The following ADCY1 variants were observed in gnomAD, a reference collection of about 807,000 sequenced individuals.
ADCY1 encodes adenylate cyclase type 1.
Under a neutral mutation model 105.4 loss-of-function variants are expected in ADCY1, and 28 were observed. That is an observed-to-expected ratio of 0.27 (90% CI 0.20 to 0.36). The LOEUF (loss-of-function observed/expected upper bound fraction) is 0.36, where lower values mean the gene tolerates loss of function less well. Ranked by LOEUF, ADCY1 falls within the 10% of genes least tolerant of loss-of-function variation. ADCY1 has a pLI of 1.00. For synonymous variants in ADCY1, 655 were observed against 623.8 expected, an observed-to-expected ratio of 1.05 and a Z score of -0.75; for missense variants, 977 against 1,434.2, an observed-to-expected ratio of 0.68 and a Z score of 5.15.
At chr7:45,698,254 A>G (rs937806356) in intron 14 of ADCY1, among the ~76,000 whole-genome samples, 6 of 152,134 alleles carry the variant, frequency 3.9e-5, no homozygotes, top group African/African-American at 1.4e-4. Context: ...GCATCCACAC[A>G]TTGTAACTGC....
intron 1 of ADCY1, among the ~76,000 whole-genome samples, chr7:45,585,129 C>A (rs1293333661): frequency 2.6e-5 from 4 of 152,232 alleles, no homozygotes; most frequent in Non-Finnish European, 5.9e-5. Context: ...GGAATAGCCT[C>A]TTCTTAAGAG....
At chr7:45,677,123 C>T (rs1350550283) in intron 8 of ADCY1, among the ~76,000 whole-genome samples, 1 of 152,128 alleles carries the variant, frequency 6.6e-6, no homozygotes, top group Non-Finnish European at 1.5e-5. Context: ...CTTCTTTCCA[C>T]CTTTCACAGT....
intron 4 of ADCY1, among the ~76,000 whole-genome samples, 183 bp from the exon 5 acceptor site, chr7:45,648,487 C>T (rs1462585383): frequency 6.6e-6 from 1 of 152,236 alleles, no homozygotes; most frequent in African/African-American, 2.4e-5. Context: ...TGAGCCTGGT[C>T]CCAGCCCTCA....
At chr7:45,600,178 G>A (rs1035512422) in intron 2 of ADCY1, among the ~76,000 whole-genome samples, 1 of 152,264 alleles carries the variant, frequency 6.6e-6, no homozygotes, top group African/African-American at 2.4e-5. Flanking sequence ...GGTGGTCTAT[G>A]AGGGAGAGGG....
intron 11 of ADCY1, chr7:45,680,599 C>G (rs1474346697): frequency 1.3e-5 from 2 of 152,156 alleles, no homozygotes; most frequent in Non-Finnish European, 2.9e-5. Flanking sequence ...TGTCATTATT[C>G]ATAGGTAATA....
chr7:45,610,606 G>T, intron 3 of ADCY1, 109 bp downstream of exon 3: 1 of 947,186 alleles, frequency 1.1e-6, no homozygotes, highest in Middle Eastern at 2.2e-4. Context: ...ATGGATGGAG[G>T]TGGGGAAAGA....
chr7:45,677,769 C>T (rs1277081478), intron 8 of ADCY1, 100 bp from the exon 9 acceptor site: 9 of 1,321,166 alleles, frequency 6.8e-6, no homozygotes, highest in African/African-American at 1.5e-5. Flanking sequence ...CCAAACCCGA[C>T]CCCACCCTGC....
chr7:45,686,649 G>A lies in ADCY1; in HGVS notation c.2430G>A (p.Arg810=), dbSNP rs1784682223. Reference sequence around the variant, plus strand: ...CCAGGCAGGTGGACATCAGGCTGAGGCTGGACTACCTCTGGGCCGCACAGG... The same window carrying A: ...CCAGGCAGGTGGACATCAGGCTGAGACTGGACTACCTCTGGGCCGCACAGG... ...LHARQVDIRL[R]LDYLWAAQAE... is the part of the protein sequence containing the mutation. The change falls in exon 14 of 20, where the codon AGG becomes AGA. Residue 810 remains arginine (R), a synonymous_variant. Transcript: ENST00000297323. This position sits in a 1 kb window ranked among gnomAD's most constrained non-coding sequence, Gnocchi z 4.3. The A allele has an allele frequency of 6.2e-7, 1 of 1,612,700 alleles. No homozygotes were observed. The highest frequency in any genetic ancestry group is 2.2e-5 in the East Asian group (1 of 44,844).
chr7:45,674,460 T>C (rs1562718408), intron 8 of ADCY1, among the ~76,000 whole-genome samples: 1 of 152,176 alleles, frequency 6.6e-6, no homozygotes. Context: ...CTGCAACCTC[T>C]GCCTCCTGGG....
chr7:45,643,314 A>T (rs1413341019), intron 4 of ADCY1, among the ~76,000 whole-genome samples: 1 of 150,160 alleles, frequency 6.7e-6, no homozygotes, highest in Non-Finnish European at 1.5e-5. Flanking sequence ...GTTTATATTG[A>T]TATTTCCAAT....
chr7:45,685,952 C>T lies in ADCY1; in HGVS notation c.2074-10C>T. On this transcript the variant is annotated splice_polypyrimidine_tract_variant and intron_variant, in intron 12 of 19. Transcript: ENST00000297323. ...CCTTTGCTAAGCCCCTGTGACCCCT[C>T]CCTTCCCAGGTGGGCTGCCTGCCTT... 6.2e-7 allele frequency: 1 copy of T among 1,609,538 alleles called. No individual in the cohort carries two copies. Among genetic ancestry groups the T allele is most frequent in the Non-Finnish European group, 8.5e-7 (1 of 1,177,400 alleles).
intron 6 of ADCY1, among the ~76,000 whole-genome samples, chr7:45,659,124 C>A (rs1795021240): frequency 6.6e-6 from 1 of 152,226 alleles, no homozygotes; most frequent in Admixed American, 6.5e-5. Context: ...CCACCCCCTG[C>A]TCCTCTGGGG....
intron 4 of ADCY1, among the ~76,000 whole-genome samples, chr7:45,625,615 GAA>G (rs1794035531): frequency 6.6e-6 from 1 of 151,788 alleles, no homozygotes; most frequent in African/African-American, 2.4e-5. Flanking sequence ...GTGCTTACAT[GAA>G]CACACGTGTG....
intron 1 of ADCY1, among the ~76,000 whole-genome samples, chr7:45,576,862 A>G (rs1190857106): frequency 6.6e-6 from 1 of 152,122 alleles, no homozygotes; most frequent in African/African-American, 2.4e-5. Flanking sequence ...ACCACACTGC[A>G]TTCTCTCTTA....
chr7:45,602,836 T>G (rs931551606), intron 2 of ADCY1, among the ~76,000 whole-genome samples: 3 of 152,246 alleles, frequency 2.0e-5, no homozygotes, highest in Non-Finnish European at 2.9e-5. Flanking sequence ...CACATTAATC[T>G]TATTTAATAC....
intron 1 of ADCY1, among the ~76,000 whole-genome samples, chr7:45,586,817 C>T (rs2115746050): frequency 6.6e-6 from 1 of 152,352 alleles, no homozygotes; most frequent in Non-Finnish European, 1.5e-5. Flanking sequence ...CCAATGAGAA[C>T]ATGCCCAGTG....
At position 45,587,141 on chromosome 7, in the gene ADCY1, C is replaced by A. The variant is rs112818014; in HGVS notation, c.640-5618C>A. Among the ~76,000 whole-genome samples the A allele has an allele frequency of 2.0e-3, 304 of 152,250 alleles. 1 individual carries two copies. Among genetic ancestry groups the A allele is most frequent in the African/African-American group, 7.2e-3 (298 of 41,540 alleles). On this transcript the variant is annotated intron_variant, in intron 1 of 19. Transcript: ENST00000297323. ...GATCCTGGGGTGAGAAGGGACCACCCAGACCAGTCCAGGGATCAGGAGGCT... is the reference window on the plus strand; with the variant it reads ...GATCCTGGGGTGAGAAGGGACCACCAAGACCAGTCCAGGGATCAGGAGGCT...
rs1785360915 is a variant in ADCY1, at chr7:45,716,498, T to G, written c.*2503T>G. The G allele has an allele frequency of 6.6e-6, 1 of 152,432 alleles. No homozygotes were observed. The highest frequency in any genetic ancestry group is 2.1e-4 in the South Asian group (1 of 4,816). The allele number at this position is 152,432 out of a possible 1,614,324, so 9.4% of individuals were successfully genotyped here. A position where few individuals can be genotyped will look rare whatever the true frequency, so the allele number is the denominator to read the frequency against. ...GAGCCACAGGGAGCCTGTGAGGGAG[T>G]AGTGCGGTGGTGGTGAGTGTGGCTG... On this transcript the variant is annotated 3_prime_UTR_variant, in exon 20 of 20. Transcript: ENST00000297323.
upstream of ADCY1, chr7:45,574,214 G>A (rs1037883110): frequency 4.4e-6 from 4 of 916,934 alleles, no homozygotes; most frequent in East Asian, 1.2e-4. This position sits in a 1 kb window ranked among gnomAD's most constrained non-coding sequence, Gnocchi z 7.0. Flanking sequence ...CGGCTCCTCC[G>A]GCGGGCGGGA....
Sources: gnomAD v4.1 joint callset for allele counts (sites outside exome capture counted in the v4.1 genomes callset) on GRCh38, gnomAD v4.1.1 for gene constraint, Gnocchi (gnomAD v3.1) non-coding constraint, MANE v1.5 for transcripts, NCBI Gene and HGNC (gene_info 2026-07-23, HGNC 2026-07-21) for gene names.